Variants in SMARCAD1 observed in about 807,000 individuals in gnomAD.
SMARCAD1 encodes the protein SWI/SNF-related matrix-associated actin-dependent regulator of chromatin subfamily A containing DEAD/H box 1.
A neutral mutation model predicts 127.1 loss-of-function variants in SMARCAD1; 25 were observed. The observed-to-expected ratio is 0.20, with a 90% CI of 0.14 to 0.27. The LOEUF (loss-of-function observed/expected upper bound fraction) is 0.27, where lower values mean the gene tolerates loss of function less well. Among genes scored for constraint, SMARCAD1 ranks in the 10% least tolerant of loss-of-function variants. SMARCAD1 has a pLI of 1.00. For missense variants in SMARCAD1, 807 were observed against 1,206.0 expected (o/e 0.67, Z 4.90); for synonymous variants, 400 against 396.9 (o/e 1.01, Z -0.09).
chr4:94,287,718 G>T (rs1040427927), intron 23 of SMARCAD1, among the ~76,000 whole-genome samples: 90 of 151,292 alleles, frequency 5.9e-4, no homozygotes, highest in African/African-American at 2.1e-3. Context: ...TTGTGTTTGG[G>T]TTTTTTTTCA....
intron 21 of SMARCAD1, among the ~76,000 whole-genome samples, chr4:94,282,104 T>TG (rs1372241635): frequency 7.4e-5 from 3 of 40,658 alleles, no homozygotes; most frequent in African/African-American, 1.1e-4. Context: ...TTTTTTGTTT[T>TG]TTTTTTTTTT....
At chr4:94,238,875 T>C (rs1046350321) in intron 5 of SMARCAD1, among the ~76,000 whole-genome samples, 1 of 152,216 alleles carries the variant, frequency 6.6e-6, no homozygotes, top group African/African-American at 2.4e-5. Flanking sequence ...TTTATTATGC[T>C]GCTTTTACTA....
chr4:94,219,026 A>G (rs927179959), intron 2 of SMARCAD1, among the ~76,000 whole-genome samples: 6 of 151,812 alleles, frequency 4.0e-5, no homozygotes, highest in Non-Finnish European at 7.4e-5. Flanking sequence ...TGGCCAGGCT[A>G]GTCTCGAACT....
chr4:94,284,830 A>G (rs1754702799), intron 22 of SMARCAD1, 130 bp from the exon 23 acceptor site: 2 of 648,082 alleles, frequency 3.1e-6, no homozygotes, highest in Admixed American at 5.6e-5. Flanking sequence ...CAAGTGGCTT[A>G]AATAAAAGAA....
chr4:94,231,294 A>G (rs536769196), intron 3 of SMARCAD1, among the ~76,000 whole-genome samples: 10 of 152,326 alleles, frequency 6.6e-5, no homozygotes, highest in East Asian at 3.9e-4. Context: ...GAGAGAAAAG[A>G]TTCAGGAGAA....
chr4:94,229,639 A>G (rs1323566555), intron 3 of SMARCAD1, among the ~76,000 whole-genome samples: 3 of 152,144 alleles, frequency 2.0e-5, no homozygotes, highest in African/African-American at 7.2e-5. Flanking sequence ...TTAGTAGGAA[A>G]TGATACTTGG....
intron 3 of SMARCAD1, among the ~76,000 whole-genome samples, chr4:94,233,352 A>G (rs1746138652): frequency 6.6e-6 from 1 of 152,204 alleles, no homozygotes; most frequent in Non-Finnish European, 1.5e-5. Flanking sequence ...TTGACTCAAA[A>G]TGTCTTTTAT....
At chr4:94,274,263 G>C (rs536795677) in intron 12 of SMARCAD1, among the ~76,000 whole-genome samples, 2 of 152,204 alleles carry the variant, frequency 1.3e-5, no homozygotes, top group South Asian at 2.1e-4. Flanking sequence ...GGTTTCATAA[G>C]GAGTAATATT....
chr4:94,231,088 A>G (rs901468287), intron 3 of SMARCAD1, among the ~76,000 whole-genome samples: 16 of 152,352 alleles, frequency 1.1e-4, no homozygotes, highest in African/African-American at 3.1e-4. Flanking sequence ...TGTAAAAACA[A>G]TAAGTTTGAG....
chr4:94,219,936 T>C (rs932067022), intron 2 of SMARCAD1, among the ~76,000 whole-genome samples: 16 of 152,238 alleles, frequency 1.1e-4, no homozygotes, highest in Admixed American at 7.2e-4. Flanking sequence ...TATGTCAGAA[T>C]TGAATAGTAG....
Position 94,289,519 on chromosome 4 carries a change from A to T in SMARCAD1, c.3066A>T (p.Thr1022=). 1 of 1,613,286 alleles carries T rather than the reference A, an allele frequency of 6.2e-7. No homozygotes were observed. The highest frequency in any genetic ancestry group is 1.1e-5 in the South Asian group (1 of 91,072). Residue 1022 remains threonine (T), a synonymous_variant, in exon 24 of 24, where the codon ACA becomes ACT. Coordinates refer to ENST00000354268, the MANE Select transcript of SMARCAD1 (RefSeq NM_020159.5). ...CAGATATAGCCACATTACTAAAAACATCAATGGGCCTGTGAAATAAGAACT... is the reference window on the plus strand; with the variant it reads ...CAGATATAGCCACATTACTAAAAACTTCAATGGGCCTGTGAAATAAGAACT... ...MPADIATLLK[T]SMGL
At chr4:94,282,092 G>GTTTTTT (rs144409121) in intron 21 of SMARCAD1, among the ~76,000 whole-genome samples, 19 of 110,990 alleles carry the variant, frequency 1.7e-4, no homozygotes, top group Admixed American at 2.4e-4. Flanking sequence ...ATGCAAATAC[G>GTTTTTT]TTTTTTTGTT....
At chr4:94,258,283 T>A (rs7688784) in intron 9 of SMARCAD1, among the ~76,000 whole-genome samples, 9 of 151,852 alleles carry the variant, frequency 5.9e-5, no homozygotes, top group African/African-American at 2.2e-4. Flanking sequence ...CCCTCCTGAG[T>A]AGTTGGGATT....
chr4:94,288,593 AAAG>A (rs1319952988), intron 23 of SMARCAD1, among the ~76,000 whole-genome samples: 2 of 152,140 alleles, frequency 1.3e-5, no homozygotes, highest in Non-Finnish European at 2.9e-5. Flanking sequence ...TTAACAGAGA[AAAG>A]AAGAGTGGAT....
chr4:94,236,969 C>T lies in SMARCAD1; in HGVS notation c.555C>T (p.Ser185=), dbSNP rs781090862. 6.2e-7 allele frequency: 1 copy of T among 1,613,250 alleles called. No homozygotes were observed. The highest frequency in any genetic ancestry group is 1.1e-5 in the South Asian group (1 of 91,068). The change falls in exon 5 of 24, where the codon AGC becomes AGT. Residue 185 remains serine, a synonymous_variant. Transcript: ENST00000354268. ...NDLLKLIEST[S]TMDGAIAAAL... ...TCTGTTAGTTGATTGAATCAACAAG[C>T]ACTATGGATGGAGCAATTGCTGCTG...
At chr4:94,249,586 A>G in intron 6 of SMARCAD1, 68 bp from the exon 7 acceptor site, 1 of 830,758 alleles carries the variant, frequency 1.2e-6, no homozygotes. Flanking sequence ...AAATACAATG[A>G]TAATTGCCTT....
At chr4:94,240,111 G>T (rs1747349571) in intron 5 of SMARCAD1, among the ~76,000 whole-genome samples, 1 of 152,096 alleles carries the variant, frequency 6.6e-6, no homozygotes, top group African/African-American at 2.4e-5. Flanking sequence ...CATAGTTAGG[G>T]CTCTGATATA....
chr4:94,258,826 A>G (rs975969364), intron 9 of SMARCAD1, among the ~76,000 whole-genome samples: 1 of 152,256 alleles, frequency 6.6e-6, no homozygotes, highest in Non-Finnish European at 1.5e-5. Context: ...CTTTAAAAAC[A>G]TTAGCTGCAG....
Position 94,285,087 on chromosome 4 carries a change from A to G in SMARCAD1, c.3019+18A>G, listed in dbSNP as rs1440305928. ...AGATGAAGGTGAGTTGTTTGTAAGC[A>G]GAAACTTCAATATTTATCTATATGA... On this transcript the variant is annotated intron_variant, in intron 23 of 23. Coordinates refer to ENST00000354268, the MANE Select transcript of SMARCAD1 (RefSeq NM_020159.5). 1 of 1,468,644 alleles carries G rather than the reference A, an allele frequency of 6.8e-7. No individual in the cohort carries two copies. 91.0% of individuals were successfully genotyped at this position (1,468,644 alleles called of 1,614,324 possible).
Sources: gnomAD v4.1 joint callset for allele counts (sites outside exome capture counted in the v4.1 genomes callset) on GRCh38, gnomAD v4.1.1 for gene constraint, MANE v1.5 for transcripts, NCBI Gene and HGNC (gene_info 2026-07-23, HGNC 2026-07-21) for gene names.